Variants in HORMAD1 observed in about 807,000 individuals in gnomAD.
HORMAD1 encodes the protein HORMA domain containing 1, also known as HORMA domain-containing protein 1.
A neutral mutation model predicts 58.2 loss-of-function variants in HORMAD1; 33 were observed. The observed-to-expected ratio is 0.57, with a 90% CI of 0.43 to 0.76. The LOEUF (loss-of-function observed/expected upper bound fraction) is 0.76, where lower values mean the gene tolerates loss of function less well. HORMAD1 is among the 30% of genes least tolerant of loss of function. HORMAD1 has a pLI of 0.00. For missense variants in HORMAD1, 363 were observed against 462.0 expected (o/e 0.79, Z 1.96); for synonymous variants, 137 against 144.6 (o/e 0.95, Z 0.38).
At chr1:150,707,243 G>A (rs914512240) in intron 9 of HORMAD1, among the ~76,000 whole-genome samples, 1 of 152,060 alleles carries the variant, frequency 6.6e-6, no homozygotes, top group Non-Finnish European at 1.5e-5. Flanking sequence ...TATTTACATA[G>A]GTTTTAGGAA....
At chr1:150,713,576 G>T (rs1222300928) in intron 5 of HORMAD1, among the ~76,000 whole-genome samples, 1 of 152,072 alleles carries the variant, frequency 6.6e-6, no homozygotes, top group African/African-American at 2.4e-5. Context: ...TTAGCCTAGT[G>T]CTGGACTTCA....
At chr1:150,716,838 C>T (rs1313087328) in intron 3 of HORMAD1, among the ~76,000 whole-genome samples, 1 of 151,276 alleles carries the variant, frequency 6.6e-6, no homozygotes, top group Admixed American at 6.6e-5. Context: ...TGGCGGGCGC[C>T]TGTAGTCCCA....
At chr1:150,718,171 C>G (rs1287677972) in intron 2 of HORMAD1, among the ~76,000 whole-genome samples, 4 of 151,880 alleles carry the variant, frequency 2.6e-5, no homozygotes, top group Non-Finnish European at 5.9e-5. Context: ...TTCTTCATCC[C>G]AAAAAGGAAA....
intron 3 of HORMAD1, among the ~76,000 whole-genome samples, chr1:150,715,312 A>G (rs1242831466): frequency 6.6e-6 from 1 of 152,128 alleles, no homozygotes. Flanking sequence ...TCCCAGTAAA[A>G]TACTTGTAAA....
intron 9 of HORMAD1, 34 bp from the exon 10 acceptor site, chr1:150,706,843 T>A: frequency 1.3e-6 from 2 of 1,527,822 alleles, no homozygotes; most frequent in African/African-American, 2.8e-5. Flanking sequence ...GTGCTGTTCA[T>A]GAAATTAAAG....
intron 14 of HORMAD1, chr1:150,698,945 G>A (rs942097798): frequency 2.0e-5 from 8 of 408,738 alleles, no homozygotes; most frequent in Admixed American, 4.4e-5. Flanking sequence ...CTTGCAAAAT[G>A]TATAATCTTC....
chr1:150,705,159 A>G (rs1246742831), intron 10 of HORMAD1, among the ~76,000 whole-genome samples: 1 of 152,244 alleles, frequency 6.6e-6, no homozygotes, highest in African/African-American at 2.4e-5. Context: ...AAGGCAATTT[A>G]TTAATCCAAA....
chr1:150,716,952 C>T (rs1164156842), intron 3 of HORMAD1, among the ~76,000 whole-genome samples, 186 bp downstream of exon 3: 4 of 79,418 alleles, frequency 5.0e-5, no homozygotes, highest in African/African-American at 1.9e-4. Context: ...GAGACCCCGT[C>T]TCAAAAAAAA....
intron 4 of HORMAD1, 40 bp downstream of exon 4, chr1:150,714,575 A>G (rs764548160): frequency 8.6e-7 from 1 of 1,158,664 alleles, no homozygotes; most frequent in South Asian, 1.7e-5. Context: ...GTAAAATGAG[A>G]AAAAAATAAT....
At chr1:150,720,473 G>A (rs901934633) in intron 1 of HORMAD1, among the ~76,000 whole-genome samples, 1 of 152,182 alleles carries the variant, frequency 6.6e-6, no homozygotes, top group Non-Finnish European at 1.5e-5. Context: ...ACAGGAAGTT[G>A]TGTGTCCGGA....
chr1:150,708,523 T>C (rs1651766653), intron 8 of HORMAD1, 116 bp from the exon 9 acceptor site: 3 of 593,300 alleles, frequency 5.1e-6, no homozygotes, highest in Non-Finnish European at 8.2e-6. Context: ...GCTGTTAACT[T>C]GAAAGTTACC....
At chr1:150,716,375 T>C (rs1652077840) in intron 3 of HORMAD1, among the ~76,000 whole-genome samples, 1 of 151,494 alleles carries the variant, frequency 6.6e-6, no homozygotes, top group African/African-American at 2.4e-5. Context: ...TTGGCCAGGA[T>C]GGTCTCCATC....
At chr1:150,699,871 TA>T (rs1231362791) in intron 14 of HORMAD1, among the ~76,000 whole-genome samples, 1 of 152,018 alleles carries the variant, frequency 6.6e-6, no homozygotes, top group Non-Finnish European at 1.5e-5. Flanking sequence ...CCAATTACTT[TA>T]AATCATTCAT....
At chr1:150,700,049 C>T (rs1651490776) in intron 14 of HORMAD1, 63 bp downstream of exon 14, 4 of 721,200 alleles carry the variant, frequency 5.5e-6, no homozygotes, top group Non-Finnish European at 7.3e-6. Flanking sequence ...TAAATTTAAT[C>T]TGTAGTAATG....
In HORMAD1 at chr1:150,704,318, AT is replaced by A; in HGVS notation, c.829del (p.Met277TrpfsTer18). 1 of 1,585,610 alleles carries A rather than the reference AT, an allele frequency of 6.3e-7. No individual in the cohort carries two copies. The highest frequency in any genetic ancestry group is 1.2e-5 in the South Asian group (1 of 85,672). ...TGCAGGGTTTTTTTCCTGTTCTTCCATTTTAGTTTCAATGTCCAAATCATCC... is the reference window on the plus strand; with the variant it reads ...TGCAGGGTTTTTTTCCTGTTCTTCCATTTAGTTTCAATGTCCAAATCATCC... Reference protein sequence around the residue: ...TSDDLDIETKMEEQEKNPASS... With the variant: ...TSDDLDIETKXEEQEKNPASS... On this transcript the variant is annotated frameshift_variant, in exon 11 of 15. Transcript: ENST00000361824. LOFTEE classifies it high-confidence loss of function.
chr1:150,700,405 AG>A (rs748656735), intron 13 of HORMAD1, among the ~76,000 whole-genome samples: 5 of 152,156 alleles, frequency 3.3e-5, no homozygotes, highest in Non-Finnish European at 7.4e-5. Context: ...AGCCTGCCAA[AG>A]TGCTGGGATT....
intron 8 of HORMAD1, among the ~76,000 whole-genome samples, 178 bp downstream of exon 8, chr1:150,708,716 G>C (rs946290713): frequency 7.2e-5 from 11 of 152,082 alleles, no homozygotes; most frequent in Non-Finnish European, 1.6e-4. Context: ...CTTATTATTA[G>C]CCACAGAATC....
At position 150,719,460 on chromosome 1, in the gene HORMAD1, C is replaced by T; in HGVS notation, c.33+13G>A. Reference sequence around the variant, plus strand: ...GCTATTATTAAGATATACCAAAATACAAGAAATCATACCATGGGAGTCCTC... The same window carrying T: ...GCTATTATTAAGATATACCAAAATATAAGAAATCATACCATGGGAGTCCTC... On this transcript the variant is annotated intron_variant, in intron 2 of 14. Transcript: ENST00000361824. 6.5e-7 allele frequency: 1 copy of T among 1,537,740 alleles called. No individual in the cohort carries two copies. Among genetic ancestry groups the T allele is most frequent in the Non-Finnish European group, 8.9e-7 (1 of 1,123,724 alleles).
chr1:150,714,193 C>T (rs1396164369), intron 4 of HORMAD1, 72 bp from the exon 5 acceptor site: 1 of 896,284 alleles, frequency 1.1e-6, no homozygotes, highest in Non-Finnish European at 1.8e-6. Context: ...CATAAATTTC[C>T]ATATTATCTC....
Sources: allele counts gnomAD v4.1 joint callset (sites outside exome capture counted in the v4.1 genomes callset), GRCh38; gene constraint gnomAD v4.1.1; transcripts MANE v1.5; gene names NCBI Gene and HGNC (gene_info 2026-07-23, HGNC 2026-07-21).